The following CUBN variants were observed in gnomAD, a reference collection of about 807,000 sequenced individuals.
The protein encoded by CUBN is 460 kDa receptor.
A neutral mutation model predicts 405.3 loss-of-function variants in CUBN; 282 were observed. That is an observed-to-expected ratio of 0.70 (90% CI 0.63 to 0.77). The LOEUF is 0.77. Among genes scored for constraint, CUBN ranks in the 30% least tolerant of loss-of-function variants. The pLI is 0.00. For missense variants in CUBN, 4,514 were observed against 4,475.2 expected, an observed-to-expected ratio of 1.01 and a Z score of -0.25; for synonymous variants, 1,684 against 1,617.0, an observed-to-expected ratio of 1.04 and a Z score of -0.99.
intron 22 of CUBN, among the ~76,000 whole-genome samples, chr10:17,050,405 T>C (rs763167938): frequency 2.0e-5 from 3 of 152,164 alleles, no homozygotes; most frequent in African/African-American, 4.8e-5. Flanking sequence ...GAAGTCCAAG[T>C]AGTGAATGAC....
intron 45 of CUBN, among the ~76,000 whole-genome samples, chr10:16,918,278 C>T (rs957706631): frequency 6.6e-6 from 1 of 152,180 alleles, no homozygotes; most frequent in East Asian, 1.9e-4. Context: ...TATTTGGGTT[C>T]TTTTTGGGGT....
At chr10:17,118,973 C>A (rs1173835998) in intron 6 of CUBN, among the ~76,000 whole-genome samples, 1 of 152,168 alleles carries the variant, frequency 6.6e-6, no homozygotes, top group East Asian at 1.9e-4. Context: ...CAGAACAAAT[C>A]TAGGCTTTTC....
At chr10:17,122,973 T>TATAAATCC in intron 5 of CUBN, 75 bp from the exon 6 acceptor site, 2 of 986,416 alleles carry the variant, frequency 2.0e-6, no homozygotes, top group Non-Finnish European at 3.3e-6. Context: ...ACATGATACG[T>TATAAATCC]TTAAGGATTT....
chr10:16,888,586 C>T lies in CUBN; in HGVS notation c.8756-20G>A. The T allele has an allele frequency of 6.2e-7, 1 of 1,609,304 alleles. No individual in the cohort carries two copies. The highest frequency in any genetic ancestry group is 8.5e-7 in the Non-Finnish European group (1 of 1,175,998). On this transcript the variant is annotated intron_variant, in intron 55 of 66. Transcript: ENST00000377833. Reference sequence around the variant, plus strand: ...CACATCCTATGTGGGAACAAAAAGTCATCATCAGATCATTTATTTCTCGTG... The same window carrying T: ...CACATCCTATGTGGGAACAAAAAGTTATCATCAGATCATTTATTTCTCGTG...
rs749517982 is a variant in CUBN at position 16,836,353 on chromosome 10, A to G, written c.10062T>C (p.Cys3354=). ...CTGGCACAGCCGAAGCATTTCTGCC[A>G]CAGAACTGAAATCTTGAATTTCCGT... The part of the protein sequence containing the change: ...QGHGNSRFQF[C]GRNASAVPVF... The change falls in exon 63 of 67, where the codon TGT becomes TGC. Residue 3354 remains cysteine (C), a synonymous_variant. Coordinates refer to ENST00000377833, the MANE Select transcript of CUBN (RefSeq NM_001081.4). 6.2e-7 allele frequency: 1 copy of G among 1,614,124 alleles called. No individual in the cohort carries two copies. The highest frequency in any genetic ancestry group is 8.5e-7 in the Non-Finnish European group (1 of 1,179,914).
At chr10:16,889,017 T>A (rs1443339242) in intron 55 of CUBN, among the ~76,000 whole-genome samples, 1 of 152,210 alleles carries the variant, frequency 6.6e-6, no homozygotes, top group Non-Finnish European at 1.5e-5. Context: ...GCCACAACAA[T>A]GGTTGCTTTT....
chr10:16,937,326 T>A (rs1332429878), intron 39 of CUBN, among the ~76,000 whole-genome samples: 1 of 152,204 alleles, frequency 6.6e-6, no homozygotes, highest in Non-Finnish European at 1.5e-5. Flanking sequence ...TAAAGTGGTC[T>A]CTAGAAATTG....
intron 48 of CUBN, among the ~76,000 whole-genome samples, chr10:16,908,123 T>G (rs1274682353): frequency 1.3e-5 from 2 of 152,116 alleles, no homozygotes; most frequent in Non-Finnish European, 2.9e-5. Context: ...AAAGCAGATA[T>G]TTTTCTTTAT....
intron 36 of CUBN, among the ~76,000 whole-genome samples, chr10:16,946,120 A>C (rs966297694): frequency 1.3e-5 from 2 of 152,208 alleles, no homozygotes; most frequent in African/African-American, 2.4e-5. Context: ...AGCAATCCCA[A>C]CCACAGCCTA....
chr10:16,936,761 G>C (rs1464494767), intron 39 of CUBN, among the ~76,000 whole-genome samples: 1 of 152,152 alleles, frequency 6.6e-6, no homozygotes, highest in Non-Finnish European at 1.5e-5. Flanking sequence ...CGCCCAGGCT[G>C]GAGCGCAGTG....
At chr10:16,973,816 T>G (rs978130667) in intron 31 of CUBN, among the ~76,000 whole-genome samples, 1 of 152,202 alleles carries the variant, frequency 6.6e-6, no homozygotes, top group Non-Finnish European at 1.5e-5. Context: ...GAAAAGGACA[T>G]GGTCTTGTTC....
At chr10:17,063,859 G>A (rs553557542) in intron 22 of CUBN, among the ~76,000 whole-genome samples, 1 of 152,318 alleles carries the variant, frequency 6.6e-6, no homozygotes, top group East Asian at 1.9e-4. Context: ...ATCTCTCGAA[G>A]ATTACCAAAT....
At chr10:17,089,855 T>C (rs1206560726) in intron 14 of CUBN, among the ~76,000 whole-genome samples, 1 of 152,210 alleles carries the variant, frequency 6.6e-6, no homozygotes, top group African/African-American at 2.4e-5. Context: ...CTGGGTGTGA[T>C]GTCTCATGCT....
At chr10:17,092,485 G>A (rs189260139) in intron 14 of CUBN, among the ~76,000 whole-genome samples, 111 of 152,166 alleles carry the variant, frequency 7.3e-4, no homozygotes, top group African/African-American at 1.9e-3. Context: ...ATAGGAGGTC[G>A]GCACAAGATA....
chr10:17,117,964 C>T (rs1319428647), intron 6 of CUBN, among the ~76,000 whole-genome samples: 1 of 152,156 alleles, frequency 6.6e-6, no homozygotes, highest in African/African-American at 2.4e-5. Flanking sequence ...GTAGCAAGTG[C>T]TAAGAAGATT....
chr10:17,006,137 C>T (rs914912688), intron 28 of CUBN, among the ~76,000 whole-genome samples: 3 of 152,218 alleles, frequency 2.0e-5, no homozygotes, highest in African/African-American at 7.2e-5. Context: ...CAATCTGTGG[C>T]ATTTTTGTTA....
In CUBN at chr10:16,990,454, C is replaced by T; in HGVS notation, c.4230G>A (p.Arg1410=). The change falls in exon 29 of 67, where the codon AGG becomes AGA. Residue 1410 remains arginine (R), a synonymous_variant. Transcript: ENST00000377833. The part of the protein sequence containing the change: ...GSFSSPGFPN[R]YPPNKECIWY... ...AGATACACTCCTTGTTTGGTGGATACCTGTTGGGGAACCCGGGGCTGCTGA... is the reference window on the plus strand; with the variant it reads ...AGATACACTCCTTGTTTGGTGGATATCTGTTGGGGAACCCGGGGCTGCTGA... 2 of 1,614,154 alleles carry T rather than the reference C, an allele frequency of 1.2e-6. No individual in the cohort carries two copies. The highest frequency in any genetic ancestry group is 1.7e-6 in the Non-Finnish European group (2 of 1,180,024).
chr10:16,934,788 C>T (rs918157471), intron 39 of CUBN, among the ~76,000 whole-genome samples: 2 of 152,170 alleles, frequency 1.3e-5, no homozygotes, highest in South Asian at 4.1e-4. Context: ...TGCCTACTGC[C>T]ATGGTCTCAG....
At chr10:16,885,965 G>A (rs1042093307) in intron 56 of CUBN, among the ~76,000 whole-genome samples, 1 of 152,152 alleles carries the variant, frequency 6.6e-6, no homozygotes, top group Non-Finnish European at 1.5e-5. Context: ...TTAATGTACT[G>A]GTTAATAGCC....
Sources: gnomAD v4.1 joint callset for allele counts (sites outside exome capture counted in the v4.1 genomes callset) on GRCh38, gnomAD v4.1.1 for gene constraint, MANE v1.5 for transcripts, NCBI Gene and HGNC (gene_info 2026-07-23, HGNC 2026-07-21) for gene names.